NPIPB6: variants seen among roughly 807,000 people sequenced by gnomAD.
NPIPB6 encodes the protein nuclear pore complex-interacting protein family member B6.
In NPIPB6, 2 loss-of-function variants were observed where a neutral mutation model predicts 20.0. The ratio of observed to expected loss-of-function variants is 0.10; its 90% confidence interval spans 0.04 to 0.31. The LOEUF (loss-of-function observed/expected upper bound fraction) is 0.31. Ranked by LOEUF, NPIPB6 falls within the 10% of genes least tolerant of loss-of-function variation. NPIPB6 has a pLI of 1.00. For missense variants in NPIPB6, 96 were observed against 293.7 expected (o/e 0.33, Z 4.92); for synonymous variants, 35 against 116.3 (o/e 0.30, Z 4.50).
In NPIPB6 at chr16:28,348,309, G is replaced by C. The variant is rs1388700281; in HGVS notation, c.599+525C>G. Among the ~76,000 whole-genome samples the C allele has an allele frequency of 1.8e-5, 2 of 109,210 alleles. 1 individual carries two copies. Among genetic ancestry groups the C allele is most frequent in the Non-Finnish European group, 4.1e-5 (2 of 49,360 alleles). 71.6% of individuals were successfully genotyped at this position (109,210 alleles called of 152,430 possible). A position where few individuals can be genotyped will look rare whatever the true frequency, so the allele number is the denominator to read the frequency against. ...AAAAAAAAAAAAAAGGCTGGGTGTGGTGGCTCACACCTCTAATCCCAGCAC... is the reference window on the plus strand; with the variant it reads ...AAAAAAAAAAAAAAGGCTGGGTGTGCTGGCTCACACCTCTAATCCCAGCAC... On this transcript the variant is annotated intron_variant, in intron 4 of 6. Coordinates refer to ENST00000532254, the Ensembl canonical transcript of NPIPB6.
At chr16:28,343,059 C>A (rs1417396591) in exon 7 of NPIPB6, 1 of 1,459,136 alleles carries the variant, frequency 6.9e-7, no homozygotes, top group East Asian at 2.4e-5. Context: ...AGGGAGTTAT[C>A]AGTTATAGAA....
At position 28,360,154 on chromosome 16, in the gene NPIPB6, G is replaced by C. The variant is rs986614972; in HGVS notation, c.120+2549C>G. On this transcript the variant is annotated intron_variant, in intron 1 of 6. Transcript: ENST00000532254. ...CATGCACGACACGGGGGCACTGTCA[G>C]TGTGGGAGCAATAGTTCACAACCTC... 3.1e-5 allele frequency among the ~76,000 whole-genome samples: 4 copies of C among 127,622 alleles called. No homozygotes were observed. In the East Asian group the frequency reaches 6.4e-4, roughly 20 times the overall value. 83.7% of individuals were successfully genotyped at this position (127,622 alleles called of 152,430 possible).
Position 28,362,152 on chromosome 16 carries a change from C to T in NPIPB6, c.120+551G>A, listed in dbSNP as rs374284090. On this transcript the variant is annotated intron_variant, in intron 1 of 6. Transcript: ENST00000532254. Reference sequence around the variant, plus strand: ...TCGCTCTGTCGCACAGTCTGGAGTGCAATGGCATGATCTCGGCCCACTAAA... The same window carrying T: ...TCGCTCTGTCGCACAGTCTGGAGTGTAATGGCATGATCTCGGCCCACTAAA... Among the ~76,000 whole-genome samples, 14 of 149,426 alleles carry T rather than the reference C, an allele frequency of 9.4e-5. No homozygotes were observed. In the East Asian group the frequency reaches 1.7e-3, roughly 18 times the overall value.
At chr16:28,356,705 G>C (rs1307430894) in intron 1 of NPIPB6, 1 of 132,626 alleles carries the variant, frequency 7.5e-6, no homozygotes, top group African/African-American at 1.5e-4. Context: ...ATCTGAGTTG[G>C]GGAGGGGCAG....
intron 1 of NPIPB6, among the ~76,000 whole-genome samples, chr16:28,353,443 C>T (rs1170497514): frequency 2.0e-3 from 169 of 82,888 alleles, no homozygotes; most frequent in Non-Finnish European, 3.7e-3. Flanking sequence ...GACAGAGTTC[C>T]GCTCCACTCA....
chr16:28,361,742 GTGTGTGTGTGTGTGTGTGTGTGTGTGTA>G (rs1430602513), intron 1 of NPIPB6, among the ~76,000 whole-genome samples: 13 of 69,650 alleles, frequency 1.9e-4, no homozygotes, highest in African/African-American at 4.8e-4. Context: ...GTGTGTGTGT[GTGTGTGTGTGTGTGTGTGTGTGTGTGTA>G]TGTGTGTGTG....
At chr16:28,356,648 A>T in intron 1 of NPIPB6, 2 of 111,446 alleles carry the variant, frequency 1.8e-5, no homozygotes, top group South Asian at 1.0e-4. Context: ...ACAGAGGTGG[A>T]GGTGGCTTAG....
At chr16:28,348,102 T>C (rs1291309138) in intron 4 of NPIPB6, among the ~76,000 whole-genome samples, 3 of 104,746 alleles carry the variant, frequency 2.9e-5, no homozygotes, top group East Asian at 2.4e-4. Context: ...AGAGTGAGAC[T>C]CTGTCTCAAA....
At chr16:28,349,532 C>T (rs372755451) in intron 2 of NPIPB6, among the ~76,000 whole-genome samples, 1 of 107,682 alleles carries the variant, frequency 9.3e-6, no homozygotes, top group South Asian at 2.9e-4. Context: ...GCCTGAGCGA[C>T]AGAATGAGAC....
chr16:28,350,150 T>C lies in NPIPB6; in HGVS notation c.304-909A>G, dbSNP rs1477645537. 1.0e-4 allele frequency among the ~76,000 whole-genome samples: 9 copies of C among 88,422 alleles called. 2 individuals are homozygous for C. Among genetic ancestry groups the C allele is most frequent in the Non-Finnish European group, 9.6e-5 (4 of 41,568 alleles). 58.0% of individuals were successfully genotyped at this position (88,422 alleles called of 152,430 possible). Reference sequence around the variant, plus strand: ...AGGCAGAGGTTGCAGTGAGCCAAGATCCCACCACTGCACTCCAGCCTGGTG... The same window carrying C: ...AGGCAGAGGTTGCAGTGAGCCAAGACCCCACCACTGCACTCCAGCCTGGTG... On this transcript the variant is annotated intron_variant, in intron 2 of 6. Coordinates refer to ENST00000532254, the Ensembl canonical transcript of NPIPB6.
intron 1 of NPIPB6, among the ~76,000 whole-genome samples, chr16:28,355,799 G>A (rs1477492901): frequency 6.6e-5 from 8 of 121,270 alleles, no homozygotes; most frequent in African/African-American, 2.3e-4. Flanking sequence ...ATCTTGAAAG[G>A]GGGTCGGTTT....
intron 1 of NPIPB6, among the ~76,000 whole-genome samples, chr16:28,359,197 A>T (rs1369376720): frequency 1.6e-5 from 2 of 125,538 alleles, no homozygotes; most frequent in Non-Finnish European, 3.2e-5. Context: ...AATGGCAGAG[A>T]GTACTATAAT....
chr16:28,349,165 C>A (rs1596570283), exon 3 of NPIPB6: 2 of 177,626 alleles, frequency 1.1e-5, no homozygotes. Context: ...GCGGTTGGAC[C>A]TCCAGGCTCT....
chr16:28,361,750 G>C (rs2045441555), intron 1 of NPIPB6, among the ~76,000 whole-genome samples: 1 of 74,166 alleles, frequency 1.3e-5, no homozygotes, highest in Admixed American at 1.6e-4. Flanking sequence ...GTGTGTGTGT[G>C]TGTGTGTGTG....
At chr16:28,351,717 T>C (rs1228233008) in intron 2 of NPIPB6, among the ~76,000 whole-genome samples, 2 of 111,762 alleles carry the variant, frequency 1.8e-5, no homozygotes, top group Admixed American at 1.8e-4. Context: ...CAGGACTAAG[T>C]GGCATAGAGA....
intron 2 of NPIPB6, among the ~76,000 whole-genome samples, chr16:28,351,740 C>T (rs2045234834): frequency 1.0e-5 from 1 of 100,154 alleles, no homozygotes; most frequent in Admixed American, 1.0e-4. Flanking sequence ...GTTAAGTGTG[C>T]CTAGATATCT....
Position 28,349,595 on chromosome 16 carries a change from A to G in NPIPB6, c.304-354T>C, listed in dbSNP as rs548210432. 3.9e-4 allele frequency among the ~76,000 whole-genome samples: 35 copies of G among 88,828 alleles called. No homozygotes were observed. In the South Asian group the frequency reaches 9.3e-3, roughly 24 times the overall value. 58.3% of individuals were successfully genotyped at this position (88,828 alleles called of 152,430 possible). On this transcript the variant is annotated intron_variant, in intron 2 of 6. Coordinates refer to ENST00000532254, the Ensembl canonical transcript of NPIPB6. ...CACACACACACACACACACACACAC[A>G]AGAATGACATGAGGCTGGCACGGTG...
rs1281691298 is a variant in NPIPB6 at position 28,349,912 on chromosome 16, A to G, written c.304-671T>C. ...CTCAAAAAAAAAAAAAAAAAAAAAA[A>G]AAGAGCCCAGGTGCGGTAGCTCACG... is the stretch of plus-strand genomic sequence containing the variant. On this transcript the variant is annotated intron_variant, in intron 2 of 6. Coordinates refer to ENST00000532254, the Ensembl canonical transcript of NPIPB6. 9.4e-4 allele frequency among the ~76,000 whole-genome samples: 99 copies of G among 104,972 alleles called. 20 individuals carry two copies. Among genetic ancestry groups the G allele is most frequent in the Non-Finnish European group, 1.4e-3 (66 of 47,450 alleles). The allele number at this position is 104,972 out of a possible 152,430, so 68.9% of individuals were successfully genotyped here. A position where few individuals can be genotyped will look rare whatever the true frequency, so the allele number is the denominator to read the frequency against.
Position 28,342,659 on chromosome 16 carries a change from T to A in NPIPB6, c.1226A>T (p.Lys409Met), listed in dbSNP as rs1269717371. The change falls in exon 7 of 7, where the codon AAG becomes ATG. Residue 409 changes from lysine (K) to methionine (M), a missense_variant. Lys to Met is a moderately conservative substitution (Grantham distance 95). This residue lies in a region of NPIPB6 where 8 missense variants were observed against 51.0 expected (regional missense o/e 0.16). Transcript: ENST00000532254. The stretch of plus-strand genomic sequence containing the variant: ...TTGAGTGCAATGGCGTGTTCTCAGC[T>A]TACTCAACCTCCGCCTCTTGGGTTT... 9.7e-6 allele frequency: 15 copies of A among 1,545,004 alleles called. No individual in the cohort carries two copies. The South Asian group carries it at 1.5e-4, about 16-fold the overall frequency.
Sources: allele counts gnomAD v4.1 joint callset (sites outside exome capture counted in the v4.1 genomes callset), GRCh38; gene constraint gnomAD v4.1.1; regional missense constraint gnomAD v4.1.1; transcripts MANE v1.5; gene names NCBI Gene and HGNC (gene_info 2026-07-23, HGNC 2026-07-21).